Variants in PTGR3 observed in about 807,000 individuals in gnomAD.
PTGR3 encodes the protein prostaglandin reductase 3.
the PTGR3 span, chr18:75,199,435 T>C: frequency 3.9e-5 from 6 of 152,268 alleles, no homozygotes; most frequent in East Asian, 1.9e-4. Context: ...CTTTTGGACA[T>C]AGACTATGTT....
At chr18:75,208,586 G>T in the PTGR3 span, 1 of 983,434 alleles carries the variant, frequency 1.0e-6, no homozygotes, top group Non-Finnish European at 1.3e-6. Context: ...TGGAGGAGGG[G>T]AGGGGAATCC....
At chr18:75,208,518 C>T in the PTGR3 span, 1 of 1,067,726 alleles carries the variant, frequency 9.4e-7, no homozygotes, top group Admixed American at 5.4e-5. Context: ...GGCGGGGAGC[C>T]TCCCCTTCTG....
chr18:75,202,016 C>G, the PTGR3 span: 1 of 1,614,198 alleles, frequency 6.2e-7, no homozygotes, highest in Non-Finnish European at 8.5e-7. Flanking sequence ...CTGCTGCTGT[C>G]ACCAAAACTT....
the PTGR3 span, chr18:75,198,310 C>G: frequency 5.3e-5 from 8 of 152,124 alleles, no homozygotes; most frequent in Non-Finnish European, 1.0e-4. Flanking sequence ...GAATGTTCCT[C>G]AAGTACATAA....
chr18:75,196,861 G>A, the PTGR3 span: 2 of 152,046 alleles, frequency 1.3e-5, no homozygotes, highest in Non-Finnish European at 2.9e-5. Context: ...GGACCACAGA[G>A]CCCCTTTAGT....
the PTGR3 span, chr18:75,199,824 G>A: frequency 6.6e-6 from 1 of 152,588 alleles, no homozygotes; most frequent in Non-Finnish European, 1.5e-5. Flanking sequence ...CCATAATTTG[G>A]CAGCTATTTA....
At chr18:75,201,768 G>C in the PTGR3 span, 4 of 1,614,090 alleles carry the variant, frequency 2.5e-6, no homozygotes, top group African/African-American at 1.3e-5. Flanking sequence ...CCCTTTCGTA[G>C]CCAGGGCGTC....
At chr18:75,196,675 G>A in the PTGR3 span, 3 of 143,638 alleles carry the variant, frequency 2.1e-5, no homozygotes, top group Admixed American at 7.1e-5. Flanking sequence ...CTTTGGCCCA[G>A]CGCTTCTCAA....
the PTGR3 span, chr18:75,199,695 T>C: frequency 2.0e-5 from 3 of 152,626 alleles, no homozygotes; most frequent in Non-Finnish European, 2.9e-5. Context: ...TTTGCTATAA[T>C]GAGGACACAA....
At chr18:75,204,365 G>T in the PTGR3 span, among the ~76,000 whole-genome samples, 2 of 152,244 alleles carry the variant, frequency 1.3e-5, no homozygotes, top group South Asian at 2.1e-4. Flanking sequence ...GCGCTGGACC[G>T]GGTTAGCAGA....
At chr18:75,208,714 C>G in the PTGR3 span, 2 of 970,390 alleles carry the variant, frequency 2.1e-6, no homozygotes, top group Non-Finnish European at 2.7e-6. Context: ...CCCGGGATCT[C>G]GCAAACTCAG....
chr18:75,195,176 T>C, the PTGR3 span: 43 of 152,378 alleles, frequency 2.8e-4, no homozygotes, highest in Non-Finnish European at 5.9e-4. Context: ...CTCCTAGCAT[T>C]AAAACTAAAT....
the PTGR3 span, chr18:75,208,723 AG>A: frequency 1.0e-6 from 1 of 986,142 alleles, no homozygotes; most frequent in South Asian, 4.2e-5. Context: ...TCGCAAACTC[AG>A]GCTGTGCGCC....
chr18:75,206,737 G>A, the PTGR3 span, among the ~76,000 whole-genome samples: 5 of 152,196 alleles, frequency 3.3e-5, no homozygotes, highest in Non-Finnish European at 7.3e-5. Context: ...GGGTTAGGTT[G>A]TTCATATGGA....
the PTGR3 span, chr18:75,205,385 T>C: frequency 7.6e-6 from 7 of 926,234 alleles, no homozygotes; most frequent in Non-Finnish European, 9.0e-6. Flanking sequence ...CCACCCCCCC[T>C]TTAATTGAAA....
the PTGR3 span, chr18:75,201,704 C>T: frequency 2.0e-5 from 32 of 1,614,042 alleles, no homozygotes; most frequent in East Asian, 2.5e-4. Context: ...CTTTCACAGG[C>T]GAAAGGCCAG....
chr18:75,205,273 G>C, the PTGR3 span: 5 of 985,710 alleles, frequency 5.1e-6, no homozygotes, highest in South Asian at 2.3e-4. Flanking sequence ...GCGAATGCGG[G>C]GCTCGGGATG....
the PTGR3 span, chr18:75,202,147 C>A: frequency 1.2e-6 from 2 of 1,614,142 alleles, no homozygotes; most frequent in Non-Finnish European, 1.7e-6. Context: ...CTGGCAGGCA[C>A]AACTGTGTAC....
the PTGR3 span, chr18:75,201,517 C>G: frequency 3.1e-6 from 5 of 1,614,062 alleles, no homozygotes; most frequent in East Asian, 1.1e-4. Context: ...GACTCCAGGC[C>G]AGTAAACCTG....
Sources: gnomAD v4.1 joint callset for allele counts (sites outside exome capture counted in the v4.1 genomes callset) on GRCh38, gnomAD v4.1.1 for gene constraint, MANE v1.5 for transcripts, NCBI Gene and HGNC (gene_info 2026-07-23, HGNC 2026-07-21) for gene names.